The following CLCA4 variants were observed in gnomAD, a reference collection of about 807,000 sequenced individuals.
CLCA4 encodes the protein calcium-activated chloride channel regulator 4.
A neutral mutation model predicts 78.9 loss-of-function variants in CLCA4; 69 were observed. That is an observed-to-expected ratio of 0.87 (90% CI 0.72 to 1.07). The LOEUF (loss-of-function observed/expected upper bound fraction) is 1.07. CLCA4 is among the 50% of genes least tolerant of loss of function. The pLI is 0.00. For missense variants in CLCA4, 1,133 were observed against 1,095.8 expected (o/e 1.03, Z -0.48); for synonymous variants, 362 against 375.8 (o/e 0.96, Z 0.42).
At chr1:86,552,528 C>G in intron 1 of CLCA4, 1 of 510,332 alleles carries the variant, frequency 2.0e-6, no homozygotes, top group South Asian at 2.4e-5. Flanking sequence ...GGCAGCAAGG[C>G]TGGGCAGCGG....
At chr1:86,552,947 CT>C in intron 1 of CLCA4, 3 of 639,662 alleles carry the variant, frequency 4.7e-6, no homozygotes, top group Non-Finnish European at 8.5e-6. Context: ...GGCGTCTGTG[CT>C]GAGGTGACTG....
At position 86,565,971 on chromosome 1, in the gene CLCA4, T is replaced by A; in HGVS notation, c.905T>A (p.Ile302Asn). 2 of 1,613,204 alleles carry A rather than the reference T, an allele frequency of 1.2e-6. No individual in the cohort carries two copies. Among genetic ancestry groups the A allele is most frequent in the Non-Finnish European group, 1.7e-6 (2 of 1,179,308 alleles). Reference sequence around the variant, plus strand: ...CCACCTGTCTTCTCATTGCTGAAGATCAGTCAAAGAATTGTGTGCTTAGTT... The same window carrying A: ...CCACCTGTCTTCTCATTGCTGAAGAACAGTCAAAGAATTGTGTGCTTAGTT... Reference protein sequence around the residue: ...PPPPVFSLLKISQRIVCLVLD... With the variant: ...PPPPVFSLLKNSQRIVCLVLD... Residue 302 changes from isoleucine (I) to asparagine (N), a missense_variant, in exon 6 of 14, where the codon ATC becomes AAC. By Grantham distance (149) the Ile-to-Asn change is moderately radical. Coordinates refer to ENST00000370563, the MANE Select transcript of CLCA4 (RefSeq NM_012128.4).
chr1:86,562,709 C>T (rs1378964557), intron 3 of CLCA4, among the ~76,000 whole-genome samples: 2 of 151,880 alleles, frequency 1.3e-5, no homozygotes, highest in African/African-American at 4.8e-5. Context: ...AAAAAATTAG[C>T]CGAGCATAGT....
chr1:86,569,431 A>C (rs1650286680), intron 7 of CLCA4, among the ~76,000 whole-genome samples: 1 of 152,032 alleles, frequency 6.6e-6, no homozygotes, highest in Admixed American at 6.6e-5. Flanking sequence ...GATCTTAAAA[A>C]ACTTCAAAAA....
intron 1 of CLCA4, among the ~76,000 whole-genome samples, chr1:86,548,253 T>A (rs1233064465): frequency 6.6e-6 from 1 of 152,208 alleles, no homozygotes; most frequent in East Asian, 1.9e-4. Context: ...TTTTGAGAAA[T>A]GTCTATTCAG....
Position 86,580,284 on chromosome 1 carries a change from T to C in CLCA4, c.2699T>C (p.Leu900Pro), listed in dbSNP as rs1260088018. Residue 900 changes from leucine (L) to proline (P), a missense_variant, in exon 14 of 14, where the codon CTG (leucine) becomes CCG (proline). Leu to Pro is a moderately conservative substitution (Grantham distance 98). Transcript: ENST00000370563. ...AATTCTGGAGTTAATATTTCTACGCTGGTATTGTCTGTGATTGGGTCTGTT... is the reference window on the plus strand; with the variant it reads ...AATTCTGGAGTTAATATTTCTACGCCGGTATTGTCTGTGATTGGGTCTGTT... ...SHNSGVNIST[L>P]VLSVIGSVVI... 1 of 1,611,618 alleles carries C rather than the reference T, an allele frequency of 6.2e-7. No homozygotes were observed. The highest frequency in any genetic ancestry group is 8.5e-7 in the Non-Finnish European group (1 of 1,179,022).
intron 7 of CLCA4, among the ~76,000 whole-genome samples, chr1:86,569,608 G>GA (rs1297711261): frequency 1.3e-5 from 2 of 152,010 alleles, no homozygotes; most frequent in Non-Finnish European, 2.9e-5. Context: ...TGGGAGCTTG[G>GA]AGATGGATTA....
chr1:86,563,927 T>C (rs1650099013), intron 4 of CLCA4, among the ~76,000 whole-genome samples, 158 bp downstream of exon 4: 1 of 152,216 alleles, frequency 6.6e-6, no homozygotes, highest in South Asian at 2.1e-4. Context: ...AGTTGATTGC[T>C]ATTTAAAACA....
chr1:86,568,383 ATTT>A (rs1650260431), intron 7 of CLCA4, among the ~76,000 whole-genome samples: 1 of 148,610 alleles, frequency 6.7e-6, no homozygotes, highest in Non-Finnish European at 1.5e-5. Context: ...TTATATAATA[ATTT>A]ATTATAAGTG....
chr1:86,559,627 G>C (rs991264470), intron 1 of CLCA4, among the ~76,000 whole-genome samples: 2 of 152,134 alleles, frequency 1.3e-5, no homozygotes, highest in African/African-American at 4.8e-5. Context: ...ATTAGTATTA[G>C]AATCACGTAA....
chr1:86,552,737 C>T, intron 1 of CLCA4: 20 of 1,435,966 alleles, frequency 1.4e-5, no homozygotes, highest in Non-Finnish European at 2.0e-5. Flanking sequence ...GGGGCCCGGC[C>T]CGGCACCCCC....
chr1:86,572,488 G>A, intron 8 of CLCA4, 126 bp from the exon 9 acceptor site: 2 of 607,128 alleles, frequency 3.3e-6, no homozygotes, highest in Non-Finnish European at 2.9e-6. Flanking sequence ...ACAACTATGT[G>A]CTTTTGGTCT....
intron 1 of CLCA4, chr1:86,552,733 C>G (rs1374587747): frequency 7.0e-7 from 1 of 1,435,414 alleles, no homozygotes; most frequent in Admixed American, 1.7e-5. Context: ...CACAGGGGCC[C>G]GGCCCGGCAC....
rs201651622 is a variant in CLCA4 at position 86,565,373 on chromosome 1, T to C, written c.657T>C (p.Tyr219=). 31 of 1,608,784 alleles carry C rather than the reference T, an allele frequency of 1.9e-5. No individual in the cohort carries two copies. In the Admixed American group the frequency reaches 2.2e-4, roughly 11 times the overall value. ...ACRIDSTTKL[Y]GKDCQFFPDK... ...GAATTGATTCTACAACAAAACTGTA[T>C]GGAAAAGATTGTCAATTCTTTCCTG... The change falls in exon 5 of 14, where the codon TAT becomes TAC. Residue 219 remains tyrosine, a synonymous_variant. Coordinates refer to ENST00000370563, the MANE Select transcript of CLCA4 (RefSeq NM_012128.4).
chr1:86,564,364 G>T (rs1650111154), intron 4 of CLCA4, among the ~76,000 whole-genome samples: 1 of 152,036 alleles, frequency 6.6e-6, no homozygotes, highest in Non-Finnish European at 1.5e-5. Context: ...GAACTGAAAG[G>T]TATATGATTT....
chr1:86,551,306 CTTTGTTTTGT>C (rs559816327), intron 1 of CLCA4, among the ~76,000 whole-genome samples: 36 of 152,016 alleles, frequency 2.4e-4, no homozygotes, highest in Non-Finnish European at 4.1e-4. Context: ...TTTTCTTTAC[CTTTGTTTTGT>C]TTTGTTTTGA....
intron 12 of CLCA4, 65 bp downstream of exon 12, chr1:86,578,137 T>C (rs1650581073): frequency 2.1e-6 from 3 of 1,428,242 alleles, no homozygotes; most frequent in Non-Finnish European, 2.9e-6. Flanking sequence ...TTGATATAAT[T>C]AGGCTTCAAA....
Position 86,560,253 on chromosome 1 carries a change from G to A in CLCA4, c.343G>A (p.Glu115Lys), listed in dbSNP as rs372746950. ...VAPPTLPGRD[E>K]PYTKQFTECG... ...ACCACCTACACTCCCAGGTAGAGAT[G>A]AACCATACACCAAGCAGTTCACAGA... Residue 115 changes from glutamate to lysine, a missense_variant, in exon 3 of 14, where the codon GAA becomes AAA. Coordinates refer to ENST00000370563, the MANE Select transcript of CLCA4 (RefSeq NM_012128.4). The A allele has an allele frequency of 6.2e-7, 1 of 1,613,750 alleles. No individual in the cohort carries two copies. Among genetic ancestry groups the A allele is most frequent in the Non-Finnish European group, 8.5e-7 (1 of 1,179,900 alleles).
At position 86,578,064 on chromosome 1, in the gene CLCA4, T is replaced by C; in HGVS notation, c.2114T>C (p.Val705Ala). ...LNRAAYIPGWVVNGEIEANPP... is the reference protein window; with the variant it reads ...LNRAAYIPGWAVNGEIEANPP... ...AGAGCCGCGTACATACCAGGCTGGGTAGTGAACGGTGAGTAACTCATGATA... is the reference window on the plus strand; with the variant it reads ...AGAGCCGCGTACATACCAGGCTGGGCAGTGAACGGTGAGTAACTCATGATA... Residue 705 changes from valine to alanine, a missense_variant, in exon 12 of 14, where the codon GTA becomes GCA. By Grantham distance (64) the Val-to-Ala change is moderately conservative (BLOSUM62 0). Transcript: ENST00000370563. The C allele has an allele frequency of 2.5e-6, 4 of 1,609,498 alleles. No homozygotes were observed. Among genetic ancestry groups the C allele is most frequent in the Non-Finnish European group, 3.4e-6 (4 of 1,178,214 alleles).
Sources: allele counts gnomAD v4.1 joint callset (sites outside exome capture counted in the v4.1 genomes callset), GRCh38; gene constraint gnomAD v4.1.1; transcripts MANE v1.5; gene names NCBI Gene and HGNC (gene_info 2026-07-23, HGNC 2026-07-21).